The following ANXA13 variants were observed in gnomAD, a reference collection of about 807,000 sequenced individuals.
ANXA13 encodes annexin XIII.
A neutral mutation model predicts 46.6 loss-of-function variants in ANXA13; 36 were observed. That is an observed-to-expected ratio of 0.77 (90% confidence interval 0.59 to 1.02). The LOEUF (loss-of-function observed/expected upper bound fraction) is 1.02, where lower values mean the gene tolerates loss of function less well. Ranked by LOEUF, ANXA13 falls within the 50% of genes least tolerant of loss-of-function variation. The pLI, the probability that ANXA13 is intolerant of heterozygous loss-of-function variation, is 0.00. For missense variants in ANXA13, 417 were observed against 396.5 expected (o/e 1.05, Z -0.44); for synonymous variants, 163 against 152.9 (o/e 1.07, Z -0.49).
rs1238297907 is a variant in ANXA13 at position 123,698,530 on chromosome 8, C to G, written c.216G>C (p.Leu72=). 2.5e-6 allele frequency: 4 copies of G among 1,614,092 alleles called. No homozygotes were observed. Among genetic ancestry groups the G allele is most frequent in the Non-Finnish European group, 1.7e-6 (2 of 1,180,034 alleles). Residue 72 remains leucine (L), a synonymous_variant, in exon 4 of 11, where the codon CTG becomes CTC. Coordinates refer to ENST00000419625, the MANE Select transcript of ANXA13 (RefSeq NM_004306.4). ...ACGCTGTCTTCTCGAAGTTTCCACTCAGCTCACTCTTGAGTACTTCCTCCA... is the reference window on the plus strand; with the variant it reads ...ACGCTGTCTTCTCGAAGTTTCCACTGAGCTCACTCTTGAGTACTTCCTCCA... The part of the protein sequence containing the change: ...KELEEVLKSE[L]SGNFEKTALA...
chr8:123,714,183 C>T lies in ANXA13; in HGVS notation c.16-1430G>A, dbSNP rs1370381648. Among the ~76,000 whole-genome samples, 7 of 152,310 alleles carry T rather than the reference C, an allele frequency of 4.6e-5. No individual in the cohort carries two copies. In the East Asian group the frequency reaches 1.4e-3, roughly 29 times the overall value. On this transcript the variant is annotated intron_variant, in intron 1 of 10. Transcript: ENST00000419625. ...TTATTCTCCTTATTTCCCCTTCCCC[C>T]ATTGTGTGGCCTCACTGGGGCTGTC...
intron 9 of ANXA13, among the ~76,000 whole-genome samples, chr8:123,686,031 A>G (rs1813135044): frequency 6.6e-6 from 1 of 152,168 alleles, no homozygotes; most frequent in Non-Finnish European, 1.5e-5. Context: ...TTCTCCCTTG[A>G]CATTCCTTCT....
chr8:123,724,115 G>A (rs1309917428), intron 1 of ANXA13, among the ~76,000 whole-genome samples: 1 of 152,124 alleles, frequency 6.6e-6, no homozygotes, highest in East Asian at 1.9e-4. Flanking sequence ...CAGAGAGAAT[G>A]AAAAGAGGAA....
chr8:123,698,658 G>A lies in ANXA13; in HGVS notation c.187-99C>T, dbSNP rs191500351. 109 of 1,318,712 alleles carry A rather than the reference G, an allele frequency of 8.3e-5. No homozygotes were observed. The African/African-American group carries it at 1.3e-3, about 16-fold the overall frequency. The allele number at this position is 1,318,712 out of a possible 1,614,324, so 81.7% of individuals were successfully genotyped here. ...CAAGTGCTCATAGTTGACAAGAAAG[G>A]TGCTGTGGACATGAATTCTGCCAAC... On this transcript the variant is annotated intron_variant, in intron 3 of 10. Transcript: ENST00000419625.
intron 3 of ANXA13, among the ~76,000 whole-genome samples, chr8:123,699,917 T>G (rs764540643): frequency 3.3e-5 from 5 of 152,240 alleles, no homozygotes; most frequent in Non-Finnish European, 5.9e-5. Context: ...TGACAATCCT[T>G]GTCAATACTG....
intron 2 of ANXA13, among the ~76,000 whole-genome samples, chr8:123,710,094 G>A (rs1376331408): frequency 6.6e-6 from 1 of 152,060 alleles, no homozygotes; most frequent in Non-Finnish European, 1.5e-5. Flanking sequence ...TGTTTCCTTG[G>A]AACTTCTACC....
At position 123,695,885 on chromosome 8, in the gene ANXA13, T is replaced by A. The variant is rs368537335; in HGVS notation, c.358-164A>T. On this transcript the variant is annotated intron_variant, in intron 4 of 10. Coordinates refer to ENST00000419625, the MANE Select transcript of ANXA13 (RefSeq NM_004306.4). ...GTCCAGGGCACACGCCTGGAGCGAGTCCCTGGAGATGTGACGGCCCGCCCC... is the reference window on the plus strand; with the variant it reads ...GTCCAGGGCACACGCCTGGAGCGAGACCCTGGAGATGTGACGGCCCGCCCC... Among the ~76,000 whole-genome samples the A allele has an allele frequency of 1.7e-4, 25 of 150,910 alleles. No homozygotes were observed. In the East Asian group the frequency reaches 3.9e-3, roughly 24 times the overall value.
At chr8:123,723,192 G>A (rs1237642495) in intron 1 of ANXA13, among the ~76,000 whole-genome samples, 4 of 152,190 alleles carry the variant, frequency 2.6e-5, no homozygotes, top group Admixed American at 1.3e-4. Context: ...GGCAGGGGGA[G>A]GAAAAAGGGG....
chr8:123,706,765 G>A (rs1813547965), intron 2 of ANXA13, among the ~76,000 whole-genome samples: 1 of 152,200 alleles, frequency 6.6e-6, no homozygotes, highest in Non-Finnish European at 1.5e-5. Flanking sequence ...CTTCAACTCT[G>A]CAGGGGGGCC....
chr8:123,705,645 T>A (rs914719579), intron 2 of ANXA13, among the ~76,000 whole-genome samples: 1 of 152,230 alleles, frequency 6.6e-6, no homozygotes, highest in African/African-American at 2.4e-5. Context: ...TGTTACAGTG[T>A]CACTTACTGC....
chr8:123,736,152 T>C (rs1485935358), intron 1 of ANXA13, among the ~76,000 whole-genome samples: 1 of 152,304 alleles, frequency 6.6e-6, no homozygotes, highest in African/African-American at 2.4e-5. Context: ...AAGAATATAT[T>C]TGTAAGTTTG....
chr8:123,719,012 A>G (rs1162676279), intron 1 of ANXA13, among the ~76,000 whole-genome samples: 1 of 152,236 alleles, frequency 6.6e-6, no homozygotes, highest in Non-Finnish European at 1.5e-5. Context: ...TAGAAATGGA[A>G]CATTCTAGGA....
chr8:123,721,368 G>A (rs535345199), intron 1 of ANXA13, among the ~76,000 whole-genome samples: 1 of 152,152 alleles, frequency 6.6e-6, no homozygotes, highest in Non-Finnish European at 1.5e-5. Context: ...CCAGGCACGA[G>A]GCTGTTTTTT....
intron 1 of ANXA13, among the ~76,000 whole-genome samples, chr8:123,722,386 GAAAGAA>G (rs1813899965): frequency 7.6e-6 from 1 of 131,886 alleles, no homozygotes; most frequent in Non-Finnish European, 1.7e-5. Context: ...AAGAAAGAAA[GAAAGAA>G]AGAAAAGCTC....
chr8:123,736,535 G>A (rs998219493), intron 1 of ANXA13, among the ~76,000 whole-genome samples: 7 of 152,128 alleles, frequency 4.6e-5, no homozygotes, highest in Admixed American at 2.6e-4. Flanking sequence ...CAAATATGTG[G>A]ATGTTTAGAA....
chr8:123,734,523 CA>C (rs1316943222), intron 1 of ANXA13, among the ~76,000 whole-genome samples: 1 of 151,642 alleles, frequency 6.6e-6, no homozygotes, highest in Non-Finnish European at 1.5e-5. Context: ...GTCTTTGGTT[CA>C]AAAAAATCAT....
intron 1 of ANXA13, chr8:123,735,902 A>G (rs577109572): frequency 1.3e-6 from 2 of 1,577,992 alleles, no homozygotes; most frequent in Non-Finnish European, 1.7e-6. Context: ...AAAATACATA[A>G]AAATGCTGGT....
chr8:123,736,553 T>C (rs1814271713), intron 1 of ANXA13, among the ~76,000 whole-genome samples: 2 of 152,208 alleles, frequency 1.3e-5, no homozygotes, highest in African/African-American at 4.8e-5. Context: ...GAAATAATAA[T>C]GGAATATTTT....
intron 3 of ANXA13, among the ~76,000 whole-genome samples, chr8:123,701,590 T>C (rs898140999): frequency 1.3e-5 from 2 of 152,152 alleles, no homozygotes; most frequent in Non-Finnish European, 2.9e-5. Flanking sequence ...TTGACGCACC[T>C]AATAGTAAGG....
Sources: gnomAD v4.1 joint callset for allele counts (sites outside exome capture counted in the v4.1 genomes callset) on GRCh38, gnomAD v4.1.1 for gene constraint, MANE v1.5 for transcripts, NCBI Gene and HGNC (gene_info 2026-07-23, HGNC 2026-07-21) for gene names.